MS4A10: variants seen among roughly 807,000 people sequenced by gnomAD.
The protein encoded by MS4A10 is membrane spanning 4-domains A10.
Under a neutral mutation model 27.7 loss-of-function variants are expected in MS4A10, and 27 were observed. The observed-to-expected ratio is 0.98, with a 90% confidence interval of 0.72 to 1.35. The LOEUF (loss-of-function observed/expected upper bound fraction) is 1.35. MS4A10 is among the 40% of genes most tolerant of loss of function. MS4A10 has a pLI of 0.00. For missense variants in MS4A10, 338 were observed against 324.7 expected, an observed-to-expected ratio of 1.04 and a Z score of -0.32; for synonymous variants, 139 against 131.2, an observed-to-expected ratio of 1.06 and a Z score of -0.41.
chr11:60,795,547 C>T lies in MS4A10; in HGVS notation c.493-8C>T, dbSNP rs773067574. 3.3e-6 allele frequency: 5 copies of T among 1,527,074 alleles called. No homozygotes were observed. The highest frequency in any genetic ancestry group is 4.4e-6 in the Non-Finnish European group (5 of 1,136,544). The allele number at this position is 1,527,074 out of a possible 1,614,324, so 94.6% of individuals were successfully genotyped here. ...CTCACCCTGCCTTCCTTCCCTCTAC[C>T]CTCTCAGGTCCACATCCAGAGGCTG... On this transcript the variant is annotated splice_region_variant and splice_polypyrimidine_tract_variant and intron_variant, in intron 5 of 7. Transcript: ENST00000308287.
intron 1 of MS4A10, among the ~76,000 whole-genome samples, chr11:60,786,991 G>A (rs899108342): frequency 1.3e-5 from 2 of 152,180 alleles, no homozygotes; most frequent in Admixed American, 1.3e-4. Context: ...AACTTCCAGC[G>A]CTCAGGGCCG....
chr11:60,790,879 G>A, intron 2 of MS4A10, 95 bp from the exon 3 acceptor site: 1 of 1,529,570 alleles, frequency 6.5e-7, no homozygotes, highest in Non-Finnish European at 8.9e-7. Flanking sequence ...GGACAGAAGG[G>A]ACTCACCACA....
In MS4A10 at chr11:60,795,939, T is replaced by C. The variant is rs1854523404; in HGVS notation, c.603+274T>C. Among the ~76,000 whole-genome samples, 2 of 152,128 alleles carry C rather than the reference T, an allele frequency of 1.3e-5. 1 individual carries two copies. Among genetic ancestry groups the C allele is most frequent in the South Asian group, 4.1e-4 (2 of 4,824 alleles). ...CAAGAGGCTACTGTGCTGCCAGCTC[T>C]GAAGGCCCTGGGGAAATTGCATCAC... On this transcript the variant is annotated intron_variant, in intron 6 of 7. Coordinates refer to ENST00000308287, the MANE Select transcript of MS4A10 (RefSeq NM_206893.4).
intron 5 of MS4A10, among the ~76,000 whole-genome samples, chr11:60,794,448 C>T (rs1854489235): frequency 6.6e-6 from 1 of 152,218 alleles, no homozygotes; most frequent in East Asian, 1.9e-4. Context: ...CATGGTGTGC[C>T]TGGTGGCCCC....
rs559260659 is a variant in MS4A10, at chr11:60,791,804, A to C, written c.304-461A>C. ...ACCCTGTGCTCCCAGGGACTAGCCC[A>C]TAGTAGGTGCTCAGTGCACATTGGA... On this transcript the variant is annotated intron_variant, in intron 3 of 7. Coordinates refer to ENST00000308287, the MANE Select transcript of MS4A10 (RefSeq NM_206893.4). 5.9e-5 allele frequency among the ~76,000 whole-genome samples: 9 copies of C among 152,370 alleles called. No individual in the cohort carries two copies. The South Asian group carries it at 1.9e-3, about 32-fold the overall frequency.
Position 60,794,047 on chromosome 11 carries a change from C to G in MS4A10, c.436C>G (p.Leu146Val), listed in dbSNP as rs756622032. Reference protein sequence around the residue: ...LSGLFVISKDLFLESPFESPI... With the variant: ...LSGLFVISKDVFLESPFESPI... ...TGGCCTCTTCGTCATCTCCAAGGAT[C>G]TCTTTCTGGAGAGCCCATTTGAGTC... The change falls in exon 5 of 8, where the codon CTC becomes GTC. Residue 146 changes from leucine to valine, a missense_variant. Physicochemically the swap from Leu to Val is conservative, Grantham distance 32. Transcript: ENST00000308287. 6.2e-7 allele frequency: 1 copy of G among 1,614,158 alleles called. No homozygotes were observed. Among genetic ancestry groups the G allele is most frequent in the East Asian group, 2.2e-5 (1 of 44,878 alleles).
chr11:60,800,016 G>A lies in MS4A10; in HGVS notation c.*107G>A, dbSNP rs1469445811. ...AGATTTGCACATACAAAAGGCTAGAGCGATGGTCTATACAGCAAAGTCAGC... is the reference window on the plus strand; with the variant it reads ...AGATTTGCACATACAAAAGGCTAGAACGATGGTCTATACAGCAAAGTCAGC... On this transcript the variant is annotated 3_prime_UTR_variant, in exon 8 of 8. Coordinates refer to ENST00000308287, the MANE Select transcript of MS4A10 (RefSeq NM_206893.4). The A allele has an allele frequency of 1.3e-6, 2 of 1,571,738 alleles. No homozygotes were observed. The highest frequency in any genetic ancestry group is 1.7e-5 in the Admixed American group (1 of 58,762).
intron 7 of MS4A10, 116 bp downstream of exon 7, chr11:60,798,630 T>C (rs1854572753): frequency 2.6e-6 from 2 of 770,790 alleles, no homozygotes; most frequent in Admixed American, 4.3e-5. Context: ...GGGCTAACAG[T>C]GCTGCAGCTA....
intron 6 of MS4A10, among the ~76,000 whole-genome samples, chr11:60,797,705 T>A (rs1311163241): frequency 1.3e-5 from 2 of 152,262 alleles, no homozygotes; most frequent in African/African-American, 4.8e-5. Context: ...CTCTGCCGTG[T>A]GACCAGAGAT....
In MS4A10 at chr11:60,800,060, C is replaced by T. The variant is rs911048931; in HGVS notation, c.*151C>T. On this transcript the variant is annotated 3_prime_UTR_variant, in exon 8 of 8. Transcript: ENST00000308287. ...AGTCAGCCCTCACAGCTCCTGGGAA[C>T]GCTGTCCTCTCAGATAAGCCATTTC... 31 of 1,161,280 alleles carry T rather than the reference C, an allele frequency of 2.7e-5. No homozygotes were observed. In the African/African-American group the frequency reaches 3.4e-4, roughly 13 times the overall value. 71.9% of individuals were successfully genotyped at this position (1,161,280 alleles called of 1,614,324 possible).
chr11:60,790,152 T>A (rs1010908662), intron 1 of MS4A10, among the ~76,000 whole-genome samples, 162 bp from the exon 2 acceptor site: 4 of 152,188 alleles, frequency 2.6e-5, no homozygotes, highest in African/African-American at 9.7e-5. Flanking sequence ...GGGGCCAGAT[T>A]ATTCCAGGTC....
In MS4A10 at chr11:60,793,968, A is replaced by G; in HGVS notation, c.361-4A>G. The G allele has an allele frequency of 1.2e-6, 2 of 1,613,812 alleles. No individual in the cohort carries two copies. Among genetic ancestry groups the G allele is most frequent in the African/African-American group, 1.3e-5 (1 of 75,028 alleles). On this transcript the variant is annotated splice_polypyrimidine_tract_variant and splice_region_variant and intron_variant, in intron 4 of 7. Coordinates refer to ENST00000308287, the MANE Select transcript of MS4A10 (RefSeq NM_206893.4). Reference sequence around the variant, plus strand: ...CAGCTGTTACCTTTATTTTTCACCTATAGAAGATGTTGTGCCTGATGACAA... The same window carrying G: ...CAGCTGTTACCTTTATTTTTCACCTGTAGAAGATGTTGTGCCTGATGACAA...
Position 60,798,379 on chromosome 11 carries a change from C to T in MS4A10, c.604-17C>T, listed in dbSNP as rs980198862. On this transcript the variant is annotated splice_polypyrimidine_tract_variant and intron_variant, in intron 6 of 7. Transcript: ENST00000308287. ...CCACAGCTGTGAGCAGCAGGGGCGG[C>T]GACTTTTCTTTCGCAGAATGATGAT... is the stretch of plus-strand genomic sequence containing the variant. 4 of 1,600,824 alleles carry T rather than the reference C, an allele frequency of 2.5e-6. No homozygotes were observed. The highest frequency in any genetic ancestry group is 1.7e-5 in the Admixed American group (1 of 59,844).
chr11:60,790,244 G>C, intron 1 of MS4A10, 70 bp from the exon 2 acceptor site: 1 of 1,320,830 alleles, frequency 7.6e-7, no homozygotes, highest in Non-Finnish European at 1.1e-6. Context: ...GAGGTGATTG[G>C]CAGAGGCTCA....
intron 1 of MS4A10, among the ~76,000 whole-genome samples, chr11:60,786,172 T>TGCACACGCACACACAC (rs1554971091): frequency 7.6e-6 from 1 of 131,380 alleles, no homozygotes; most frequent in Non-Finnish European, 1.7e-5. Context: ...TGCACACACA[T>TGCACACGCACACACAC]GCACACACAC....
At chr11:60,792,384 T>A in intron 4 of MS4A10, 63 bp downstream of exon 4, 1 of 1,283,188 alleles carries the variant, frequency 7.8e-7, no homozygotes, top group Non-Finnish European at 1.1e-6. Flanking sequence ...GTTAAGGGCA[T>A]CTGTCTGTAG....
rs149686071 is a variant in MS4A10 at position 60,791,876 on chromosome 11, C to G, written c.304-389C>G. Among the ~76,000 whole-genome samples the G allele has an allele frequency of 1.4e-4, 22 of 152,334 alleles. No individual in the cohort carries two copies. In the East Asian group the frequency reaches 3.9e-3, roughly 27 times the overall value. On this transcript the variant is annotated intron_variant, in intron 3 of 7. Transcript: ENST00000308287. ...CCCAGAGACCTTGGAAGCAAGAACT[C>G]ATATCCTCCCAACTGCAAGATTCAA...
At chr11:60,792,100 G>A (rs778890810) in intron 3 of MS4A10, among the ~76,000 whole-genome samples, 165 bp from the exon 4 acceptor site, 4 of 151,948 alleles carry the variant, frequency 2.6e-5, no homozygotes, top group Non-Finnish European at 5.9e-5. Context: ...TTCTTGGATG[G>A]GCCACATGGC....
intron 1 of MS4A10, among the ~76,000 whole-genome samples, chr11:60,788,379 C>G (rs1056690193): frequency 6.6e-6 from 1 of 152,244 alleles, no homozygotes; most frequent in East Asian, 1.9e-4. Context: ...TCACTATCTC[C>G]GTGGACAAGC....
Sources: allele counts gnomAD v4.1 joint callset (sites outside exome capture counted in the v4.1 genomes callset), GRCh38; gene constraint gnomAD v4.1.1; transcripts MANE v1.5; gene names NCBI Gene and HGNC (gene_info 2026-07-23, HGNC 2026-07-21).